CDC27: variants seen among roughly 807,000 people sequenced by gnomAD.
CDC27 encodes cell division cycle 27, also known as cell division cycle protein 27 homolog.
A neutral mutation model predicts 109.7 loss-of-function variants in CDC27; 27 were observed. That is an observed-to-expected ratio of 0.25 (90% confidence interval 0.18 to 0.34). The LOEUF (loss-of-function observed/expected upper bound fraction) is 0.34, where lower values mean the gene tolerates loss of function less well. Ranked by LOEUF, CDC27 falls within the 10% of genes least tolerant of loss-of-function variation. The pLI is 1.00. For missense variants in CDC27, 579 were observed against 960.2 expected (o/e 0.60, Z 5.25); for synonymous variants, 266 against 333.9 (o/e 0.80, Z 2.22).
intron 9 of CDC27, among the ~76,000 whole-genome samples, chr17:47,146,748 C>T (rs1418425677): frequency 1.3e-5 from 2 of 152,040 alleles, no homozygotes; most frequent in Non-Finnish European, 2.9e-5. Flanking sequence ...TAAAGGAATG[C>T]AAAAATATCC....
At chr17:47,149,239 G>T (rs1023514629) in intron 9 of CDC27, among the ~76,000 whole-genome samples, 1 of 151,338 alleles carries the variant, frequency 6.6e-6, no homozygotes, top group African/African-American at 2.4e-5. Flanking sequence ...GGCCAGGTGC[G>T]GTGGGGCTCA....
rs2061968152 is a variant in CDC27, at chr17:47,120,980, A to G, written c.2430T>C (p.Asp810=). The G allele has an allele frequency of 1.2e-6, 2 of 1,613,176 alleles. No homozygotes were observed. Among genetic ancestry groups the G allele is most frequent in the Non-Finnish European group, 1.7e-6 (2 of 1,179,592 alleles). Residue 810 remains aspartate, a synonymous_variant, in exon 19 of 19, where the codon GAT becomes GAC. Transcript: ENST00000066544. ...CTGCATGAAGTTGTGTGTCATCCGC[A>G]TCTGTCATGCTGCTCTCCTGGGATT... The part of the protein sequence containing the change: ...TDESQESSMT[D]ADDTQLHAAE...
chr17:47,181,659 C>A, intron 1 of CDC27, 22 bp from the exon 2 acceptor site: 5 of 1,352,050 alleles, frequency 3.7e-6, no homozygotes, highest in Non-Finnish European at 4.2e-6. Context: ...GGAAAAAGAA[C>A]ATAAATATAC....
chr17:47,184,006 C>T (rs965369743), intron 1 of CDC27, among the ~76,000 whole-genome samples: 1 of 152,174 alleles, frequency 6.6e-6, no homozygotes, highest in Non-Finnish European at 1.5e-5. Flanking sequence ...CAAATTACTC[C>T]TTTATGAAAT....
chr17:47,143,778 G>T, intron 10 of CDC27, 105 bp downstream of exon 10: 1 of 420,520 alleles, frequency 2.4e-6, no homozygotes, highest in Non-Finnish European at 4.1e-6. Context: ...TTTAAAATTC[G>T]AAATAGTCTC....
At position 47,166,518 on chromosome 17, in the gene CDC27, G is replaced by A. The variant is rs571662114; in HGVS notation, c.377+3399C>T. 7.9e-5 allele frequency among the ~76,000 whole-genome samples: 12 copies of A among 152,000 alleles called. No individual in the cohort carries two copies. The South Asian group carries it at 1.9e-3, about 24-fold the overall frequency. On this transcript the variant is annotated intron_variant, in intron 4 of 18. Transcript: ENST00000066544. ...CTCTTTCTTTTTTGGGGTCACTTTC[G>A]GCAGTTTTACCAATCTTTCCAAGGA...
intron 4 of CDC27, chr17:47,159,527 C>A: frequency 2.0e-6 from 1 of 512,176 alleles, no homozygotes; most frequent in Non-Finnish European, 3.5e-6. Context: ...TGTCACCTTG[C>A]AAGGGACGGC....
chr17:47,130,194 T>TA (rs1300983162), intron 15 of CDC27, among the ~76,000 whole-genome samples: 1 of 152,016 alleles, frequency 6.6e-6, no homozygotes, highest in East Asian at 1.9e-4. Flanking sequence ...ACCCCATCTC[T>TA]ACTAAAAATA....
rs2062372455 is a variant in CDC27 at position 47,132,420 on chromosome 17, G to C, written c.1914-46C>G. 5.7e-5 allele frequency: 54 copies of C among 952,204 alleles called. No individual in the cohort carries two copies. In the East Asian group the frequency reaches 1.5e-3, roughly 26 times the overall value. 59.0% of individuals were successfully genotyped at this position (952,204 alleles called of 1,614,324 possible). A position where few individuals can be genotyped will look rare whatever the true frequency, so the allele number is the denominator to read the frequency against. ...ATAATTTTAAAAATATAAAGTTTAG[G>C]TTGCTAATTTAGTTCAATTAGTAAA... On this transcript the variant is annotated intron_variant, in intron 14 of 18. Coordinates refer to ENST00000066544, the MANE Select transcript of CDC27 (RefSeq NM_001256.6).
At chr17:47,121,163 A>G (rs1408780356) in intron 18 of CDC27, 146 bp from the exon 19 acceptor site, 2 of 610,782 alleles carry the variant, frequency 3.3e-6, no homozygotes, top group Non-Finnish European at 5.8e-6. Context: ...TCCTTTAATA[A>G]AATGCAACTC....
chr17:47,166,343 C>T (rs1335143436), intron 4 of CDC27, among the ~76,000 whole-genome samples: 1 of 152,098 alleles, frequency 6.6e-6, no homozygotes, highest in Non-Finnish European at 1.5e-5. Context: ...GGTAGTGTGG[C>T]TTATTAAGAA....
chr17:47,173,010 C>T (rs1053503233), intron 2 of CDC27, among the ~76,000 whole-genome samples: 1 of 152,154 alleles, frequency 6.6e-6, no homozygotes, highest in African/African-American at 2.4e-5. Flanking sequence ...CCATCTCATA[C>T]CCACTAAATT....
At chr17:47,147,898 CAAAAA>C (rs893703763) in intron 9 of CDC27, among the ~76,000 whole-genome samples, 1 of 45,626 alleles carries the variant, frequency 2.2e-5, no homozygotes. Flanking sequence ...GACCCTGTCT[CAAAAA>C]AAAAAAAAAA....
At chr17:47,144,893 A>ACACG (rs397701158) in intron 9 of CDC27, among the ~76,000 whole-genome samples, 1 of 151,980 alleles carries the variant, frequency 6.6e-6, no homozygotes, top group Non-Finnish European at 1.5e-5. Flanking sequence ...ACACACACAC[A>ACACG]TAAATCCTTT....
rs1195966844 is a variant in CDC27 at position 47,142,274 on chromosome 17, T to C, written c.1333A>G (p.Ile445Val). 12 of 1,606,552 alleles carry C rather than the reference T, an allele frequency of 7.5e-6. No homozygotes were observed. The highest frequency in any genetic ancestry group is 1.7e-4 in the Middle Eastern group (1 of 6,006). The part of the protein sequence containing the change: ...SIISEGKIST[I>V]TPQIQAFNLQ... ...TTAAAGGCCTGAATCTGAGGTGTGATTGTGGATATTTTCCCTTCTGAAATG... is the reference window on the plus strand; with the variant it reads ...TTAAAGGCCTGAATCTGAGGTGTGACTGTGGATATTTTCCCTTCTGAAATG... Residue 445 changes from isoleucine to valine, a missense_variant, in exon 11 of 19, where the codon ATC becomes GTC. Around this residue, in one of 9 missense-constraint regions of CDC27, gnomAD observed 58 missense variants for 116.6 expected, o/e 0.50. Transcript: ENST00000066544.
Position 47,117,976 on chromosome 17 carries a change from A to C in CDC27, c.*2959T>G, listed in dbSNP as rs2061911798. 1.3e-5 allele frequency: 2 copies of C among 152,218 alleles called. No homozygotes were observed. The highest frequency in any genetic ancestry group is 4.8e-5 in the African/African-American group (2 of 41,464). The allele number at this position is 152,218 out of a possible 1,614,324, so 9.4% of individuals were successfully genotyped here. ...TTTCCATATCCTTTAATGAATTGCA[A>C]ATATATTAACAGAAAAGACTTTCCC... On this transcript the variant is annotated 3_prime_UTR_variant, in exon 19 of 19. Coordinates refer to ENST00000066544, the MANE Select transcript of CDC27 (RefSeq NM_001256.6).
At position 47,137,377 on chromosome 17, in the gene CDC27, C is replaced by G. The variant is rs766866034; in HGVS notation, c.1705-17G>C. The G allele has an allele frequency of 1.1e-5, 17 of 1,491,006 alleles. No homozygotes were observed. In the Admixed American group the frequency reaches 3.8e-4, roughly 33 times the overall value. 92.4% of individuals were successfully genotyped at this position (1,491,006 alleles called of 1,614,324 possible). On this transcript the variant is annotated splice_polypyrimidine_tract_variant and intron_variant, in intron 13 of 18. Transcript: ENST00000066544. ...ACACCAGGCCTTAAAAAAATGGGAA[C>G]AAAAACCAAACAGAATTAAAATTTT... is the stretch of plus-strand genomic sequence containing the variant.
rs1370359446 is a variant in CDC27 at position 47,181,584 on chromosome 17, G to A, written c.81C>T (p.Leu27=). ...NHYAYRDAVF[L]AERLYAEVHS... is the part of the protein sequence containing the mutation. ...AACCTTCTGCATAAAGGCGTTCTGC[G>A]AGGAAAACCGCATCTCGGTAAGCAT... The change falls in exon 2 of 19, where the codon CTC becomes CTT. Residue 27 remains leucine (L), a synonymous_variant. Coordinates refer to ENST00000066544, the MANE Select transcript of CDC27 (RefSeq NM_001256.6). 1.4e-5 allele frequency: 23 copies of A among 1,606,094 alleles called. No individual in the cohort carries two copies. Among genetic ancestry groups the A allele is most frequent in the Middle Eastern group, 1.7e-4 (1 of 5,812 alleles).
intron 8 of CDC27, among the ~76,000 whole-genome samples, chr17:47,154,182 T>C (rs1230135345): frequency 6.6e-6 from 1 of 151,372 alleles, no homozygotes; most frequent in Non-Finnish European, 1.5e-5. Context: ...AAACTATACA[T>C]CCATGATCTA....
Sources: allele counts gnomAD v4.1 joint callset (sites outside exome capture counted in the v4.1 genomes callset), GRCh38; gene constraint gnomAD v4.1.1; regional missense constraint gnomAD v4.1.1; transcripts MANE v1.5; gene names NCBI Gene and HGNC (gene_info 2026-07-23, HGNC 2026-07-21).